Variants in BMERB1 observed in about 807,000 individuals in gnomAD.
BMERB1 encodes the protein bMERB domain-containing protein 1.
In BMERB1, 12 loss-of-function variants were observed where a neutral mutation model predicts 23.6. The ratio of observed to expected loss-of-function variants is 0.51; its 90% confidence interval spans 0.33 to 0.82. The LOEUF (loss-of-function observed/expected upper bound fraction) is 0.82, where lower values mean the gene tolerates loss of function less well. BMERB1 is among the 40% of genes least tolerant of loss of function. The pLI, the probability that BMERB1 is intolerant of heterozygous loss-of-function variation, is 0.03. For missense variants in BMERB1, 247 were observed against 255.4 expected (o/e 0.97, Z 0.22); for synonymous variants, 122 against 96.6 (o/e 1.26, Z -1.54).
At chr16:15,453,994 G>C (rs762558584) in intron 1 of BMERB1, among the ~76,000 whole-genome samples, 1 of 151,782 alleles carries the variant, frequency 6.6e-6, no homozygotes, top group Non-Finnish European at 1.5e-5. Flanking sequence ...TCTTCTTCCT[G>C]TTCTGAGTCA....
At chr16:15,551,558 A>G (rs1202779127) in intron 2 of BMERB1, among the ~76,000 whole-genome samples, 2 of 152,172 alleles carry the variant, frequency 1.3e-5, no homozygotes, top group African/African-American at 2.4e-5. Context: ...TGAGACAAAG[A>G]TTTCTGAGCT....
At chr16:15,557,506 G>A (rs1191511238) in intron 2 of BMERB1, among the ~76,000 whole-genome samples, 1 of 152,236 alleles carries the variant, frequency 6.6e-6, no homozygotes, top group African/African-American at 2.4e-5. Context: ...GAGCAGGACA[G>A]CTGTATGTCT....
chr16:15,560,732 G>A (rs1469354146), intron 2 of BMERB1, among the ~76,000 whole-genome samples: 3 of 151,942 alleles, frequency 2.0e-5, no homozygotes, highest in Non-Finnish European at 4.4e-5. Context: ...GGCAGAGATT[G>A]CAGTGAGCTG....
chr16:15,505,292 C>T (rs2051575650), intron 1 of BMERB1, among the ~76,000 whole-genome samples: 1 of 152,206 alleles, frequency 6.6e-6, no homozygotes, highest in Admixed American at 6.5e-5. Flanking sequence ...ATGAATTTCC[C>T]TTCAGGAAAG....
At chr16:15,512,682 C>T (rs2051684781) in intron 1 of BMERB1, among the ~76,000 whole-genome samples, 1 of 152,080 alleles carries the variant, frequency 6.6e-6, no homozygotes, top group Admixed American at 6.5e-5. Flanking sequence ...AGTTCAAGAC[C>T]AGCCTGGCCA....
chr16:15,523,928 G>C (rs1217099776), intron 2 of BMERB1, among the ~76,000 whole-genome samples: 1 of 152,186 alleles, frequency 6.6e-6, no homozygotes, highest in Non-Finnish European at 1.5e-5. Flanking sequence ...CCTCTTGGGA[G>C]GTGCCAACTC....
chr16:15,478,578 C>T (rs2051291916), intron 1 of BMERB1, among the ~76,000 whole-genome samples: 1 of 152,206 alleles, frequency 6.6e-6, no homozygotes, highest in South Asian at 2.1e-4. Context: ...CCCTGGGTGA[C>T]TGAGACTCTG....
At chr16:15,584,708 T>A (rs2031099182) in intron 5 of BMERB1, among the ~76,000 whole-genome samples, 1 of 152,184 alleles carries the variant, frequency 6.6e-6, no homozygotes, top group Non-Finnish European at 1.5e-5. Flanking sequence ...CTTTTTCTCA[T>A]CTCTGCCTCT....
chr16:15,503,868 C>T (rs979912022), intron 1 of BMERB1, among the ~76,000 whole-genome samples: 1 of 152,208 alleles, frequency 6.6e-6, no homozygotes, highest in South Asian at 2.1e-4. Flanking sequence ...TTCTCCACAA[C>T]AGTGTAAGCC....
intron 1 of BMERB1, among the ~76,000 whole-genome samples, chr16:15,506,615 C>T (rs1234397485): frequency 6.6e-6 from 1 of 152,110 alleles, no homozygotes; most frequent in Non-Finnish European, 1.5e-5. Context: ...ATGCCAGACT[C>T]CTCAACCATC....
chr16:15,487,826 G>A (rs1482981567), intron 1 of BMERB1, among the ~76,000 whole-genome samples: 2 of 152,222 alleles, frequency 1.3e-5, no homozygotes, highest in Non-Finnish European at 2.9e-5. Context: ...TTTGTAAACA[G>A]TCCTGGCGCT....
intron 2 of BMERB1, among the ~76,000 whole-genome samples, chr16:15,565,903 G>A (rs1223466901): frequency 6.6e-6 from 1 of 152,178 alleles, no homozygotes; most frequent in Non-Finnish European, 1.5e-5. Context: ...GTGAACCTGT[G>A]TATCACGGGG....
At chr16:15,440,541 A>G (rs2050931150) in intron 1 of BMERB1, among the ~76,000 whole-genome samples, 1 of 152,042 alleles carries the variant, frequency 6.6e-6, no homozygotes, top group African/African-American at 2.4e-5. Context: ...TTGGTTACAT[A>G]TGCTCATTTT....
At chr16:15,468,610 G>A (rs2051203873) in intron 1 of BMERB1, among the ~76,000 whole-genome samples, 1 of 152,166 alleles carries the variant, frequency 6.6e-6, no homozygotes, top group Non-Finnish European at 1.5e-5. Context: ...GCTCCATTCA[G>A]ATGGTTGGGG....
chr16:15,514,672 T>A (rs947979016), intron 1 of BMERB1, among the ~76,000 whole-genome samples: 2 of 152,018 alleles, frequency 1.3e-5, no homozygotes, highest in Admixed American at 6.6e-5. Context: ...CAGCTACTTA[T>A]AAGGCTGAGG....
chr16:15,493,075 G>A (rs2051437855), intron 1 of BMERB1, among the ~76,000 whole-genome samples: 7 of 151,984 alleles, frequency 4.6e-5, no homozygotes. Flanking sequence ...AACTGTCAAG[G>A]GCAGGCTGGG....
At position 15,541,733 on chromosome 16, in the gene BMERB1, C is replaced by T. The variant is rs893056780; in HGVS notation, c.231-26250C>T. Among the ~76,000 whole-genome samples the T allele has an allele frequency of 4.0e-5, 6 of 150,786 alleles. No individual in the cohort carries two copies. The Admixed American group carries it at 4.0e-4, about 10-fold the overall frequency. Reference sequence around the variant, plus strand: ...TCTCCTGCCTCAGCCTCCCGAGTAGCTGGGCCTACAGGCGCCTGCCACCAT... The same window carrying T: ...TCTCCTGCCTCAGCCTCCCGAGTAGTTGGGCCTACAGGCGCCTGCCACCAT... On this transcript the variant is annotated intron_variant, in intron 2 of 5. Transcript: ENST00000300006.
chr16:15,488,936 CCG>C (rs2051392185), intron 1 of BMERB1, among the ~76,000 whole-genome samples: 1 of 142,292 alleles, frequency 7.0e-6, no homozygotes, highest in African/African-American at 2.6e-5. Context: ...AATGTACTAA[CCG>C]GGGTTTCTAC....
intron 1 of BMERB1, among the ~76,000 whole-genome samples, chr16:15,475,903 G>C (rs796349380): frequency 9.2e-5 from 14 of 152,160 alleles, no homozygotes; most frequent in African/African-American, 3.1e-4. Context: ...GTTTTTATTG[G>C]GGCTCAGTCA....
Sources: allele counts gnomAD v4.1 joint callset (sites outside exome capture counted in the v4.1 genomes callset), GRCh38; gene constraint gnomAD v4.1.1; transcripts MANE v1.5; gene names NCBI Gene and HGNC (gene_info 2026-07-23, HGNC 2026-07-21).